Variants in ST18 observed in about 807,000 individuals in gnomAD.
The protein encoded by ST18 is suppression of tumorigenicity 18 protein.
Under a neutral mutation model 110.0 loss-of-function variants are expected in ST18, and 50 were observed. That is an observed-to-expected ratio of 0.45 (90% CI 0.36 to 0.58). The LOEUF (loss-of-function observed/expected upper bound fraction) is 0.58. Ranked by LOEUF, ST18 falls within the 20% of genes least tolerant of loss-of-function variation. The pLI is 0.00. For synonymous variants in ST18, 461 were observed against 452.4 expected (o/e 1.02, Z -0.24); for missense variants, 1,306 against 1,280.1 (o/e 1.02, Z -0.31).
intron 2 of ST18, among the ~76,000 whole-genome samples, chr8:52,252,417 A>G (rs2094355123): frequency 6.6e-6 from 1 of 151,920 alleles, no homozygotes; most frequent in South Asian, 2.1e-4. Flanking sequence ...GGTCTTTTCT[A>G]GGTCACTTGC....
chr8:52,342,658 T>A (rs926801524), intron 2 of ST18, among the ~76,000 whole-genome samples: 2 of 152,280 alleles, frequency 1.3e-5, no homozygotes, highest in South Asian at 4.2e-4. Flanking sequence ...ATGCAGGAGA[T>A]CTGGGGTGGT....
At chr8:52,323,929 AC>A (rs1333166230) in intron 2 of ST18, among the ~76,000 whole-genome samples, 1 of 152,324 alleles carries the variant, frequency 6.6e-6, no homozygotes, top group East Asian at 1.9e-4. Flanking sequence ...GGTTTTGGTA[AC>A]CTGAAGAGCA....
At chr8:52,186,530 G>T (rs559837446) in intron 8 of ST18, among the ~76,000 whole-genome samples, 61 of 152,326 alleles carry the variant, frequency 4.0e-4, no homozygotes, top group African/African-American at 1.3e-3. Context: ...GTGAACAGAT[G>T]TCTACCCATG....
intron 2 of ST18, among the ~76,000 whole-genome samples, chr8:52,304,006 G>A (rs574233313): frequency 1.3e-5 from 2 of 152,216 alleles, no homozygotes; most frequent in African/African-American, 4.8e-5. Flanking sequence ...TTGGGGTGGT[G>A]GGGCATCATG....
intron 2 of ST18, chr8:52,404,046 A>G (rs1472717911): frequency 2.0e-5 from 3 of 152,242 alleles, no homozygotes; most frequent in Non-Finnish European, 4.4e-5. Context: ...TGGCTACCAG[A>G]TAAATCACAC....
chr8:52,171,763 C>T, intron 10 of ST18, 29 bp downstream of exon 10: 2 of 1,599,498 alleles, frequency 1.3e-6, no homozygotes, highest in South Asian at 1.1e-5. Flanking sequence ...CACTTTTATT[C>T]CTAAAATAAA....
chr8:52,216,547 T>C (rs888572301), intron 6 of ST18, among the ~76,000 whole-genome samples: 2 of 152,160 alleles, frequency 1.3e-5, no homozygotes, highest in Non-Finnish European at 2.9e-5. Context: ...TCTTTACACA[T>C]AGAAAACAAA....
intron 2 of ST18, among the ~76,000 whole-genome samples, chr8:52,353,821 G>T (rs144533870): frequency 1.2e-4 from 18 of 152,158 alleles, no homozygotes; most frequent in African/African-American, 4.1e-4. Flanking sequence ...CTCTCCCTTC[G>T]CCTCTGCTGT....
intron 2 of ST18, among the ~76,000 whole-genome samples, chr8:52,250,169 C>A (rs993083224): frequency 1.3e-5 from 2 of 151,980 alleles, no homozygotes; most frequent in African/African-American, 4.8e-5. Context: ...GAATACTTTA[C>A]AGCAGAGGCT....
chr8:52,388,788 G>T (rs1440927800), intron 2 of ST18, among the ~76,000 whole-genome samples: 3 of 140,860 alleles, frequency 2.1e-5, no homozygotes, highest in Admixed American at 1.5e-4. Flanking sequence ...ACACAGGAAG[G>T]GGAACATCAC....
chr8:52,394,950 A>G (rs1840582530), intron 2 of ST18, among the ~76,000 whole-genome samples: 1 of 151,698 alleles, frequency 6.6e-6, no homozygotes, highest in South Asian at 2.1e-4. Context: ...AGCAGACGCA[A>G]TGATTCAAGA....
intron 2 of ST18, among the ~76,000 whole-genome samples, chr8:52,292,983 G>A (rs2095578782): frequency 6.6e-6 from 1 of 152,150 alleles, no homozygotes; most frequent in Non-Finnish European, 1.5e-5. Context: ...ATTCTAGGAT[G>A]GCCTCAGCTT....
At chr8:52,120,518 C>T (rs1158796348) in intron 23 of ST18, among the ~76,000 whole-genome samples, 4 of 152,120 alleles carry the variant, frequency 2.6e-5, no homozygotes, top group Admixed American at 1.3e-4. Flanking sequence ...GGAGGCAGGC[C>T]TGTGAAAAAC....
intron 2 of ST18, among the ~76,000 whole-genome samples, chr8:52,299,436 T>C (rs1489332072): frequency 6.6e-6 from 1 of 152,224 alleles, no homozygotes; most frequent in Non-Finnish European, 1.5e-5. Flanking sequence ...AAGTCAATTT[T>C]AAAATATCAG....
intron 2 of ST18, among the ~76,000 whole-genome samples, chr8:52,375,228 A>G (rs11777896): frequency 0.75 from 114,117 of 151,896 alleles, 47,986 homozygotes; most frequent in Non-Finnish European, 0.93. Flanking sequence ...ACAAAACAAA[A>G]CAAAACAAAA....
intron 2 of ST18, among the ~76,000 whole-genome samples, chr8:52,330,815 G>A (rs1002889394): frequency 5.3e-5 from 8 of 152,214 alleles, no homozygotes; most frequent in African/African-American, 1.9e-4. Context: ...CGGGCTCCTT[G>A]CTGCCTCTAT....
chr8:52,146,576 A>G (rs1047216338), intron 16 of ST18, among the ~76,000 whole-genome samples: 6 of 152,062 alleles, frequency 3.9e-5, no homozygotes, highest in Non-Finnish European at 8.8e-5. Flanking sequence ...AAAAAATCTG[A>G]TAATAATCCT....
intron 2 of ST18, among the ~76,000 whole-genome samples, chr8:52,255,067 C>T (rs1476351133): frequency 1.3e-5 from 2 of 151,996 alleles, no homozygotes; most frequent in African/African-American, 4.8e-5. Flanking sequence ...AAATAGAGGC[C>T]CCACTTCACA....
intron 23 of ST18, among the ~76,000 whole-genome samples, chr8:52,122,466 A>G (rs1223860040): frequency 6.6e-6 from 1 of 151,628 alleles, no homozygotes; most frequent in Non-Finnish European, 1.5e-5. Context: ...TCTTGAGTGA[A>G]CTTCTATTAT....
Sources: allele counts gnomAD v4.1 joint callset (sites outside exome capture counted in the v4.1 genomes callset), GRCh38; gene constraint gnomAD v4.1.1; transcripts MANE v1.5; gene names NCBI Gene and HGNC (gene_info 2026-07-23, HGNC 2026-07-21).